Variants in NRXN3 observed in about 807,000 individuals in gnomAD.
NRXN3 encodes the protein neurexin 3.
A neutral mutation model predicts 137.6 loss-of-function variants in NRXN3; 32 were observed. The ratio of observed to expected loss-of-function variants is 0.23; its 90% CI spans 0.18 to 0.31. The LOEUF is 0.31. Ranked by LOEUF, NRXN3 falls within the 10% of genes least tolerant of loss-of-function variation. The probability of loss-of-function intolerance (pLI) is 1.00; values close to 1 mark genes in which losing one functional copy is unlikely to be tolerated. For missense variants in NRXN3, 1,574 were observed against 2,062.5 expected, an observed-to-expected ratio of 0.76 and a Z score of 4.59; for synonymous variants, 798 against 784.5, an observed-to-expected ratio of 1.02 and a Z score of -0.29.
chr14:79,396,400 T>A (rs1599693037), intron 15 of NRXN3, among the ~76,000 whole-genome samples: 1 of 152,172 alleles, frequency 6.6e-6, no homozygotes, highest in East Asian at 1.9e-4. Context: ...GTGGAACAAA[T>A]GTTCTCACCC....
At chr14:78,631,038 C>T (rs2097517298) in intron 4 of NRXN3, among the ~76,000 whole-genome samples, 1 of 152,146 alleles carries the variant, frequency 6.6e-6, no homozygotes, top group African/African-American at 2.4e-5. Context: ...ATTTTAATGG[C>T]ATTCTGTTGT....
chr14:78,266,817 T>C (rs929142262), intron 2 of NRXN3, among the ~76,000 whole-genome samples: 12 of 152,192 alleles, frequency 7.9e-5, no homozygotes, highest in Non-Finnish European at 1.5e-5. Flanking sequence ...CTTGCTTATT[T>C]TTTTTTAATG....
chr14:78,966,497 T>C, intron 12 of NRXN3, 91 bp downstream of exon 12: 1 of 1,333,564 alleles, frequency 7.5e-7, no homozygotes, highest in Non-Finnish European at 1.0e-6. Context: ...TTGTCTATTC[T>C]ACTCCCTACC....
At chr14:78,898,812 G>A (rs1157254148) in intron 10 of NRXN3, among the ~76,000 whole-genome samples, 1 of 151,804 alleles carries the variant, frequency 6.6e-6, no homozygotes, top group Non-Finnish European at 1.5e-5. Flanking sequence ...GAGTTTTAGG[G>A]AACATCTTGG....
intron 15 of NRXN3, among the ~76,000 whole-genome samples, chr14:79,327,964 A>G (rs984812855): frequency 6.6e-6 from 1 of 152,038 alleles, no homozygotes; most frequent in African/African-American, 2.4e-5. Flanking sequence ...TCCCTTATTC[A>G]TGGTTGCTTT....
intron 15 of NRXN3, among the ~76,000 whole-genome samples, chr14:79,345,939 A>G (rs1167738702): frequency 6.6e-6 from 1 of 152,182 alleles, no homozygotes; most frequent in Admixed American, 6.5e-5. Context: ...CCGAACACAC[A>G]AGATATGTCT....
At chr14:79,650,406 T>C (rs573121498) in intron 16 of NRXN3, among the ~76,000 whole-genome samples, 2 of 152,316 alleles carry the variant, frequency 1.3e-5, no homozygotes, top group South Asian at 2.1e-4. Flanking sequence ...CAGCGATCTA[T>C]ATTTTTTTAA....
chr14:78,913,274 C>CTTTTTT (rs1157942892), intron 10 of NRXN3, among the ~76,000 whole-genome samples: 34 of 47,834 alleles, frequency 7.1e-4, no homozygotes, highest in East Asian at 1.6e-3. Context: ...TTCTTTCTTT[C>CTTTTTT]TTTTTTTTTT....
At chr14:78,646,455 A>G (rs1182277807) in intron 5 of NRXN3, among the ~76,000 whole-genome samples, 1 of 152,230 alleles carries the variant, frequency 6.6e-6, no homozygotes, top group African/African-American at 2.4e-5. Context: ...AGTGCTTATC[A>G]AAAAGTGCTT....
intron 4 of NRXN3, among the ~76,000 whole-genome samples, chr14:78,429,588 C>T (rs2093796771): frequency 1.3e-5 from 2 of 152,168 alleles, no homozygotes; most frequent in African/African-American, 4.8e-5. Flanking sequence ...CAGATAGTCA[C>T]ACAAGATGAT....
chr14:79,852,379 C>G (rs1367974889), intron 20 of NRXN3, among the ~76,000 whole-genome samples: 1 of 151,990 alleles, frequency 6.6e-6, no homozygotes, highest in East Asian at 1.9e-4. Context: ...CCTCCTACCC[C>G]TAAACTGGTT....
rs542825977 is a variant in NRXN3 at position 78,776,408 on chromosome 14, G to A, written c.2045-27212G>A. Among the ~76,000 whole-genome samples, 8 of 152,072 alleles carry A rather than the reference G, an allele frequency of 5.3e-5. No individual in the cohort carries two copies. In the Middle Eastern group the frequency reaches 0.01, roughly 194 times the overall value. On this transcript the variant is annotated intron_variant, in intron 8 of 20. Coordinates refer to ENST00000335750, the MANE Select transcript of NRXN3 (RefSeq NM_001330195.2). ...AGATATAATCCTTCTAAATGGTCTC[G>A]TAATTTTGTATAAACCCGAGCAGAT...
intron 1 of NRXN3, among the ~76,000 whole-genome samples, chr14:78,179,982 A>AT (rs1278180942): frequency 1.3e-5 from 2 of 151,728 alleles, no homozygotes; most frequent in African/African-American, 4.8e-5. Flanking sequence ...AGAAGCTGGG[A>AT]TTACAGGCAT....
At chr14:79,181,374 C>T (rs934513398) in intron 15 of NRXN3, among the ~76,000 whole-genome samples, 1 of 152,000 alleles carries the variant, frequency 6.6e-6, no homozygotes, top group Non-Finnish European at 1.5e-5. Context: ...TATAGGATCT[C>T]CCCTTAAAGA....
At chr14:79,560,524 T>TTTTTG (rs2097484560) in intron 16 of NRXN3, among the ~76,000 whole-genome samples, 1 of 135,272 alleles carries the variant, frequency 7.4e-6, no homozygotes, top group Non-Finnish European at 1.6e-5. Flanking sequence ...TTTTTTTTTT[T>TTTTTG]TTTTGAGATG....
intron 10 of NRXN3, among the ~76,000 whole-genome samples, chr14:78,842,942 C>T (rs892922691): frequency 6.6e-6 from 1 of 151,988 alleles, no homozygotes; most frequent in East Asian, 1.9e-4. Flanking sequence ...TTTCAAGGTG[C>T]CCAGATTTCA....
At chr14:78,293,691 C>T (rs1031258126) in intron 3 of NRXN3, among the ~76,000 whole-genome samples, 3 of 152,226 alleles carry the variant, frequency 2.0e-5, no homozygotes, top group African/African-American at 7.2e-5. Flanking sequence ...TCAATAACAT[C>T]TTCCTTGGGT....
chr14:79,706,842 A>G (rs1254596842), intron 19 of NRXN3, among the ~76,000 whole-genome samples: 2 of 152,054 alleles, frequency 1.3e-5, no homozygotes, highest in Non-Finnish European at 2.9e-5. Context: ...TGCTTCTTAG[A>G]GCTAAGTGAT....
intron 20 of NRXN3, among the ~76,000 whole-genome samples, chr14:79,851,247 C>T (rs1009959891): frequency 6.6e-6 from 1 of 152,070 alleles, no homozygotes; most frequent in Non-Finnish European, 1.5e-5. Flanking sequence ...TCATTTGATG[C>T]CTTTTGAGAC....
Sources: gnomAD v4.1 joint callset for allele counts (sites outside exome capture counted in the v4.1 genomes callset) on GRCh38, gnomAD v4.1.1 for gene constraint, MANE v1.5 for transcripts, NCBI Gene and HGNC (gene_info 2026-07-23, HGNC 2026-07-21) for gene names.